ASB11: variants seen among roughly 807,000 people sequenced by gnomAD.
ASB11 encodes the protein ankyrin repeat and SOCS box containing 11.
Under a neutral mutation model 20.1 loss-of-function variants are expected in ASB11, and 17 were observed. That is an observed-to-expected ratio of 0.85 (90% CI 0.58 to 1.27). The LOEUF is 1.27. ASB11 is among the 50% of genes most tolerant of loss of function. The pLI, the probability that ASB11 is intolerant of heterozygous loss-of-function variation, is 0.00. For synonymous variants in ASB11, 107 were observed against 105.6 expected (o/e 1.01, Z -0.08); for missense variants, 259 against 256.9 (o/e 1.01, Z -0.06).
At chrX:15,291,056 G>A (rs1422044802) in intron 4 of ASB11, among the ~76,000 whole-genome samples, 1 of 111,499 alleles carries the variant, frequency 9.0e-6, no homozygotes, top group East Asian at 2.8e-4. Flanking sequence ...AAACAGCCTA[G>A]TTTGAGTTAA....
rs771029089 is a variant in ASB11 at position 15,283,660 on chromosome X, C to A, written c.848-31G>T. 58 of 1,159,584 alleles carry A rather than the reference C, an allele frequency of 5.0e-5. 1 individual carries two copies. In the South Asian group the frequency reaches 6.3e-4, roughly 13 times the overall value. On this transcript the variant is annotated intron_variant, in intron 6 of 6. Coordinates refer to ENST00000480796, the MANE Select transcript of ASB11 (RefSeq NM_080873.3). ...AGAGAAATAAAAATGGTGTTAACTT[C>A]ATAGTGGTGGGAGGTGGGGTGGAAG...
chrX:15,288,172 G>T, intron 5 of ASB11, 100 bp from the exon 6 acceptor site: 1 of 859,044 alleles, frequency 1.2e-6, no homozygotes, highest in South Asian at 3.2e-5. Flanking sequence ...TAAGTACCAT[G>T]ACATACTTGA....
intron 6 of ASB11, among the ~76,000 whole-genome samples, chrX:15,285,020 A>T (rs1324086230): frequency 9.0e-6 from 1 of 111,727 alleles, no homozygotes; most frequent in Non-Finnish European, 1.9e-5. Flanking sequence ...AAGAATAGAA[A>T]ACTTCTTTAC....
At chrX:15,290,075 C>A in intron 4 of ASB11, 1 of 115,474 alleles carries the variant, frequency 8.7e-6, no homozygotes, top group Non-Finnish European at 1.8e-5. Flanking sequence ...CTTTTTGTAG[C>A]ATAAAAACAT....
intron 2 of ASB11, among the ~76,000 whole-genome samples, chrX:15,299,793 G>A (rs946320377): frequency 2.7e-5 from 3 of 111,023 alleles, no homozygotes; most frequent in South Asian, 3.8e-4. Flanking sequence ...CTTCCCAGCC[G>A]AGTCCTGCTT....
Position 15,302,826 on chromosome X carries a change from T to G in ASB11, c.182-19A>C. On this transcript the variant is annotated intron_variant, in intron 1 of 6. Coordinates refer to ENST00000480796, the MANE Select transcript of ASB11 (RefSeq NM_080873.3). ...CAGCAATCTGAAACACAAATCAAGC[T>G]CAAAGTCAAGGCCTGGAGACTTCTT... is the stretch of plus-strand genomic sequence containing the variant. 8.4e-7 allele frequency: 1 copy of G among 1,196,645 alleles called. No homozygotes were observed. Among genetic ancestry groups the G allele is most frequent in the Non-Finnish European group, 1.1e-6 (1 of 883,195 alleles).
At chrX:15,283,689 G>A in intron 6 of ASB11, 60 bp from the exon 7 acceptor site, 11 of 1,155,875 alleles carry the variant, frequency 9.5e-6, no homozygotes, top group Non-Finnish European at 1.3e-5. Flanking sequence ...GTGGAAGGGG[G>A]AAATCAGAGA....
At chrX:15,310,440 G>C (rs1921395444) in intron 1 of ASB11, among the ~76,000 whole-genome samples, 1 of 111,981 alleles carries the variant, frequency 8.9e-6, no homozygotes, top group Admixed American at 9.5e-5. Context: ...TTCCTGATGA[G>C]GTGTACGGAA....
Position 15,283,396 on chromosome X carries a change from C to A in ASB11, c.*109G>T. ...ATGGGGGATTTACTTCGACTGAGCT[C>A]ATTTAAAGATACTAGGAGTCTAAGC... On this transcript the variant is annotated 3_prime_UTR_variant, in exon 7 of 7. Coordinates refer to ENST00000480796, the MANE Select transcript of ASB11 (RefSeq NM_080873.3). The A allele has an allele frequency of 9.7e-7, 1 of 1,028,684 alleles. No individual in the cohort carries two copies. The highest frequency in any genetic ancestry group is 1.4e-6 in the Non-Finnish European group (1 of 739,732). 84.8% of individuals were successfully genotyped at this position (1,028,684 alleles called of 1,213,427 possible). A position where few individuals can be genotyped will look rare whatever the true frequency, so the allele number is the denominator to read the frequency against.
At chrX:15,308,564 C>G (rs1400465085) in intron 1 of ASB11, among the ~76,000 whole-genome samples, 1 of 111,495 alleles carries the variant, frequency 9.0e-6, no homozygotes, top group Non-Finnish European at 1.9e-5. Context: ...CCCAGAGTAC[C>G]CATCCCATAG....
At chrX:15,300,746 A>G (rs930397106) in intron 2 of ASB11, among the ~76,000 whole-genome samples, 1 of 111,854 alleles carries the variant, frequency 8.9e-6, no homozygotes, top group Non-Finnish European at 1.9e-5. Flanking sequence ...GTAAGATGTC[A>G]ATATTAAAGG....
intron 5 of ASB11, 36 bp from the exon 6 acceptor site, chrX:15,288,108 T>C: frequency 8.6e-7 from 1 of 1,160,004 alleles, no homozygotes; most frequent in South Asian, 2.0e-5. Context: ...CAACACTAAA[T>C]GTAATGTAAA....
intron 2 of ASB11, among the ~76,000 whole-genome samples, chrX:15,301,120 G>A (rs1286202855): frequency 9.0e-6 from 1 of 110,517 alleles, no homozygotes; most frequent in Admixed American, 9.7e-5. Flanking sequence ...CCACCACCAC[G>A]CCTGGCTAAT....
chrX:15,284,101 A>T, intron 6 of ASB11, among the ~76,000 whole-genome samples: 1 of 106,287 alleles, frequency 9.4e-6, no homozygotes, highest in Non-Finnish European at 1.9e-5. Flanking sequence ...AAATACAAAA[A>T]ATTAGCCGGG....
intron 6 of ASB11, 116 bp from the exon 7 acceptor site, chrX:15,283,745 C>T: frequency 1.2e-6 from 1 of 866,159 alleles, no homozygotes; most frequent in Non-Finnish European, 1.6e-6. Context: ...GAAGCTGGAT[C>T]TGTATAGGAA....
At chrX:15,303,883 C>T (rs961174035) in intron 1 of ASB11, among the ~76,000 whole-genome samples, 8 of 112,314 alleles carry the variant, frequency 7.1e-5, no homozygotes, top group Non-Finnish European at 9.4e-5. Context: ...GCCTTAGAGC[C>T]GCCTTCCAGA....
At chrX:15,311,541 T>C (rs73635082) in intron 1 of ASB11, among the ~76,000 whole-genome samples, 1 of 112,771 alleles carries the variant, frequency 8.9e-6, no homozygotes, top group African/African-American at 3.2e-5. Flanking sequence ...GGAAAAAGGA[T>C]TCAGAATGCT....
chrX:15,312,415 C>CAAAAA (rs1336226103), intron 1 of ASB11, among the ~76,000 whole-genome samples: 1 of 4,243 alleles, frequency 2.4e-4, no homozygotes, highest in Non-Finnish European at 4.2e-4. Context: ...CCGCCCACTG[C>CAAAAA]ACAAAAAAAA....
At position 15,293,185 on chromosome X, in the gene ASB11, C is replaced by T. The variant is rs1927575678; in HGVS notation, c.505G>A (p.Glu169Lys). The change falls in exon 4 of 7, where the codon GAG becomes AAG. Residue 169 changes from glutamate (E) to lysine (K), a missense_variant. Physicochemically the swap from Glu to Lys is moderately conservative, Grantham distance 56 (BLOSUM62 1). Coordinates refer to ENST00000480796, the MANE Select transcript of ASB11 (RefSeq NM_080873.3). Reference sequence around the variant, plus strand: ...GCTCATTTACCTCTCTTCACTGCCTCATGGATGGGCGAGGCCAGGTGCACC... The same window carrying T: ...GCTCATTTACCTCTCTTCACTGCCTTATGGATGGGCGAGGCCAGGTGCACC... ...LEVHLASPIH[E>K]AVKRGHRECM... 1.7e-6 allele frequency: 2 copies of T among 1,208,400 alleles called. No individual in the cohort carries two copies. Among genetic ancestry groups the T allele is most frequent in the South Asian group, 3.5e-5 (2 of 56,351 alleles).
Sources: allele counts gnomAD v4.1 joint callset (sites outside exome capture counted in the v4.1 genomes callset), GRCh38; gene constraint gnomAD v4.1.1; transcripts MANE v1.5; gene names NCBI Gene and HGNC (gene_info 2026-07-23, HGNC 2026-07-21).